CLCA2: variants seen among roughly 807,000 people sequenced by gnomAD.
CLCA2 encodes the protein chloride channel accessory 2.
In CLCA2, 85 loss-of-function variants were observed where a neutral mutation model predicts 82.9. The ratio of observed to expected loss-of-function variants is 1.03; its 90% CI spans 0.86 to 1.23. The LOEUF is 1.23. Ranked by LOEUF, CLCA2 falls within the 50% of genes most tolerant of loss-of-function variation. The probability of loss-of-function intolerance (pLI) is 0.00; values close to 1 mark genes in which losing one functional copy is unlikely to be tolerated. For missense variants in CLCA2, 1,089 were observed against 1,124.8 expected (o/e 0.97, Z 0.45); for synonymous variants, 421 against 391.7 (o/e 1.07, Z -0.88).
chr1:86,454,678 G>A (rs1371181734), intron 13 of CLCA2, among the ~76,000 whole-genome samples: 2 of 152,108 alleles, frequency 1.3e-5, no homozygotes, highest in East Asian at 3.9e-4. Context: ...TGTAATCCCA[G>A]CTACTTGGGA....
intron 11 of CLCA2, among the ~76,000 whole-genome samples, chr1:86,448,885 T>G (rs1482170687): frequency 6.6e-6 from 1 of 152,248 alleles, no homozygotes; most frequent in African/African-American, 2.4e-5. Flanking sequence ...AAAATGTACT[T>G]TTGCAGAATG....
In CLCA2 at chr1:86,452,359, T is replaced by C. The variant is rs77654286; in HGVS notation, c.2156-1010T>C. ...TGCTATCTTCTCTCATCTGGACTAT[T>C]GAATGGCTAAGTGGCCGCCTTGTTG... On this transcript the variant is annotated intron_variant, in intron 12 of 13. Coordinates refer to ENST00000370565, the MANE Select transcript of CLCA2 (RefSeq NM_006536.7). Among the ~76,000 whole-genome samples the C allele has an allele frequency of 6.3e-3, 960 of 152,204 alleles. 2 individuals are homozygous for C. Among genetic ancestry groups the C allele is most frequent in the Non-Finnish European group, 0.01 (691 of 68,004 alleles).
At chr1:86,440,727 C>A (rs1662712784) in intron 8 of CLCA2, among the ~76,000 whole-genome samples, 1 of 152,004 alleles carries the variant, frequency 6.6e-6, no homozygotes, top group African/African-American at 2.4e-5. Context: ...ATGGTAAAAC[C>A]CCACTTCTAC....
At chr1:86,434,395 T>A in intron 5 of CLCA2, 123 bp from the exon 6 acceptor site, 1 of 734,638 alleles carries the variant, frequency 1.4e-6, no homozygotes. Flanking sequence ...TATATCACTG[T>A]ACCACTTTTG....
At chr1:86,424,602 AT>A (rs1349504589) in intron 1 of CLCA2, among the ~76,000 whole-genome samples, 169 bp downstream of exon 1, 1 of 152,192 alleles carries the variant, frequency 6.6e-6, no homozygotes, top group African/African-American at 2.4e-5. Flanking sequence ...CAGTTTGTTC[AT>A]CTAATTCTGT....
intron 3 of CLCA2, among the ~76,000 whole-genome samples, chr1:86,428,852 T>G (rs1396857637): frequency 1.3e-5 from 2 of 152,190 alleles, no homozygotes; most frequent in Non-Finnish European, 2.9e-5. Flanking sequence ...GGAAAAGGTC[T>G]TCAAGATTGA....
At chr1:86,447,484 A>T (rs1249700050) in intron 10 of CLCA2, 24 bp from the exon 11 acceptor site, 2 of 1,595,600 alleles carry the variant, frequency 1.3e-6, no homozygotes, top group African/African-American at 1.3e-5. Context: ...CACACTTTCC[A>T]AAACAATAAG....
chr1:86,428,268 T>G (rs1173707526), intron 2 of CLCA2, 150 bp from the exon 3 acceptor site: 2 of 622,570 alleles, frequency 3.2e-6, no homozygotes, highest in African/African-American at 3.8e-5. Context: ...GGTGTTTTTC[T>G]TCAATTTTGT....
intron 8 of CLCA2, among the ~76,000 whole-genome samples, chr1:86,440,774 C>G (rs973911335): frequency 6.6e-6 from 1 of 151,828 alleles, no homozygotes; most frequent in Admixed American, 6.6e-5. Context: ...GGTGGCGGGT[C>G]CCTATACTCC....
At position 86,453,451 on chromosome 1, in the gene CLCA2, A is replaced by T; in HGVS notation, c.2238A>T (p.Ser746=). Residue 746 remains serine (S), a synonymous_variant, in exon 13 of 14, where the codon TCA becomes TCT. Transcript: ENST00000370565. ...ERKWGFSRVS[S]GGSFSVLGVP... ...AGTGGGGCTTTAGCCGAGTCAGCTC[A>T]GGAGGCTCCTTTTCAGTGCTGGGAG... The T allele has an allele frequency of 6.2e-7, 1 of 1,614,176 alleles. No individual in the cohort carries two copies. The highest frequency in any genetic ancestry group is 8.5e-7 in the Non-Finnish European group (1 of 1,180,036).
rs1429355763 is a variant in CLCA2 at position 86,440,130 on chromosome 1, C to T, written c.1204-18C>T. 6.2e-7 allele frequency: 1 copy of T among 1,610,474 alleles called. No individual in the cohort carries two copies. The highest frequency in any genetic ancestry group is 1.1e-5 in the South Asian group (1 of 90,434). ...TTGAACTACACTTCCTTCCAAGTGA[C>T]TAATTCTCTATGTTCAGGTGGTTGA... On this transcript the variant is annotated intron_variant, in intron 7 of 13. Transcript: ENST00000370565.
At chr1:86,427,257 A>C (rs539806627) in intron 2 of CLCA2, among the ~76,000 whole-genome samples, 84 of 152,152 alleles carry the variant, frequency 5.5e-4, no homozygotes, top group African/African-American at 2.0e-3. Context: ...CATGAAGGGC[A>C]CTCTTTCCTT....
At chr1:86,454,952 G>A (rs925220561) in intron 13 of CLCA2, 133 bp from the exon 14 acceptor site, 2 of 512,992 alleles carry the variant, frequency 3.9e-6, no homozygotes, top group Admixed American at 7.6e-5. Flanking sequence ...AGTTTTGCTT[G>A]TATTCATATT....
In CLCA2 at chr1:86,424,259, G is replaced by A; in HGVS notation, c.12G>A (p.Arg4=). MTQ[R]SIAGPICNLK... is the part of the protein sequence containing the mutation. ...GGCTTCTCTACAACATGACCCAAAG[G>A]AGCATTGCAGGTCCTATTTGCAACC... The change falls in exon 1 of 14, where the codon AGG becomes AGA. Residue 4 remains arginine (R), a synonymous_variant. Coordinates refer to ENST00000370565, the MANE Select transcript of CLCA2 (RefSeq NM_006536.7). The A allele has an allele frequency of 6.2e-7, 1 of 1,612,714 alleles. No individual in the cohort carries two copies. Among genetic ancestry groups the A allele is most frequent in the Non-Finnish European group, 8.5e-7 (1 of 1,179,540 alleles).
At chr1:86,441,998 C>A (rs1236061862) in intron 9 of CLCA2, among the ~76,000 whole-genome samples, 1 of 152,190 alleles carries the variant, frequency 6.6e-6, no homozygotes, top group Non-Finnish European at 1.5e-5. Context: ...CTTTGACTAC[C>A]ACAACTTACA....
chr1:86,431,954 A>G (rs965696360), intron 4 of CLCA2, among the ~76,000 whole-genome samples: 1 of 152,156 alleles, frequency 6.6e-6, no homozygotes, highest in Non-Finnish European at 1.5e-5. Flanking sequence ...TTGTTTTTTG[A>G]GACGGAGTTT....
intron 10 of CLCA2, among the ~76,000 whole-genome samples, chr1:86,444,998 G>A (rs1239828255): frequency 6.6e-6 from 1 of 152,112 alleles, no homozygotes; most frequent in Non-Finnish European, 1.5e-5. Context: ...CCAGGTTCAA[G>A]CGATTCTCCT....
chr1:86,450,519 T>C (rs763512284), intron 11 of CLCA2, 44 bp from the exon 12 acceptor site: 3 of 1,451,042 alleles, frequency 2.1e-6, no homozygotes, highest in Non-Finnish European at 2.8e-6. Context: ...ATTAGTAATC[T>C]ACTATAATAA....
rs768293379 is a variant in CLCA2, at chr1:86,455,110, T to C, written c.2415T>C (p.Ser805=). 39 of 1,575,616 alleles carry C rather than the reference T, an allele frequency of 2.5e-5. No individual in the cohort carries two copies. The highest frequency in any genetic ancestry group is 1.7e-4 in the Middle Eastern group (1 of 5,902). Residue 805 remains serine, a synonymous_variant, in exon 14 of 14, where the codon AGT becomes AGC. Transcript: ENST00000370565. ...CTACAAGCTATGAAATAAGAATGAG[T>C]AAAAGTCTACAGAATATCCAAGATG... ...GQATSYEIRM[S]KSLQNIQDDF... is the part of the protein sequence containing the mutation.
Sources: gnomAD v4.1 joint callset for allele counts (sites outside exome capture counted in the v4.1 genomes callset) on GRCh38, gnomAD v4.1.1 for gene constraint, MANE v1.5 for transcripts, NCBI Gene and HGNC (gene_info 2026-07-23, HGNC 2026-07-21) for gene names.